Variants in FRMD6 observed in about 807,000 individuals in gnomAD.
FRMD6 encodes FERM domain containing 6.
In FRMD6, 37 loss-of-function variants were observed where a neutral mutation model predicts 73.2. That is an observed-to-expected ratio of 0.51 (90% CI 0.39 to 0.66). The LOEUF (loss-of-function observed/expected upper bound fraction) is 0.66, where lower values mean the gene tolerates loss of function less well. Ranked by LOEUF, FRMD6 falls within the 30% of genes least tolerant of loss-of-function variation. The pLI is 0.00. For missense variants in FRMD6, 714 were observed against 780.5 expected, an observed-to-expected ratio of 0.91 and a Z score of 1.02; for synonymous variants, 273 against 282.2, an observed-to-expected ratio of 0.97 and a Z score of 0.33.
At chr14:51,594,486 G>A (rs1017899971) in intron 2 of FRMD6, among the ~76,000 whole-genome samples, 2 of 151,722 alleles carry the variant, frequency 1.3e-5, no homozygotes, top group Admixed American at 6.6e-5. Flanking sequence ...GTGCCACCAC[G>A]CCCGGCTAAT....
intron 2 of FRMD6, among the ~76,000 whole-genome samples, chr14:51,641,264 A>G (rs1441827505): frequency 6.6e-6 from 1 of 152,184 alleles, no homozygotes; most frequent in African/African-American, 2.4e-5. Context: ...TACAGGTGTG[A>G]GCCACCATGC....
chr14:51,497,114 A>G (rs1883342477), intron 1 of FRMD6, among the ~76,000 whole-genome samples: 1 of 152,186 alleles, frequency 6.6e-6, no homozygotes, highest in Non-Finnish European at 1.5e-5. Context: ...TAATTCTGAC[A>G]TATGTATCTG....
At chr14:51,725,990 G>C (rs1897933425) in intron 13 of FRMD6, 120 bp downstream of exon 13, 2 of 624,154 alleles carry the variant, frequency 3.2e-6, no homozygotes, top group Admixed American at 5.6e-5. Context: ...ATCCTTCCTA[G>C]ATACGTACAT....
At chr14:51,644,724 A>T (rs1439251941) in intron 2 of FRMD6, among the ~76,000 whole-genome samples, 1 of 152,214 alleles carries the variant, frequency 6.6e-6, no homozygotes, top group African/African-American at 2.4e-5. Context: ...TGACAAAATG[A>T]TCCAATATGG....
intron 2 of FRMD6, among the ~76,000 whole-genome samples, chr14:51,594,467 T>A (rs1349437829): frequency 1.3e-5 from 2 of 152,130 alleles, no homozygotes; most frequent in African/African-American, 4.8e-5. Flanking sequence ...TAGCTGGGAT[T>A]AGAGGCATGT....
At chr14:51,496,296 C>T (rs1345794708) in intron 1 of FRMD6, among the ~76,000 whole-genome samples, 1 of 152,238 alleles carries the variant, frequency 6.6e-6, no homozygotes, top group African/African-American at 2.4e-5. Context: ...TTATCTATTG[C>T]TGTGGAACGA....
At chr14:51,721,761 G>GGGGAGGAGGGAAGGAGGGAAGGAA (rs1897624300) in intron 11 of FRMD6, among the ~76,000 whole-genome samples, 188 bp from the exon 12 acceptor site, 1 of 137,236 alleles carries the variant, frequency 7.3e-6, no homozygotes, top group Admixed American at 7.1e-5. Flanking sequence ...GAAGGAAGGA[G>GGGGAGGAGGGAAGGAGGGAAGGAA]GGAAGGAGGG....
chr14:51,625,741 C>A (rs1305875154), intron 2 of FRMD6, among the ~76,000 whole-genome samples: 3 of 152,184 alleles, frequency 2.0e-5, no homozygotes, highest in Non-Finnish European at 4.4e-5. Context: ...CTCTGCTTAT[C>A]CAAACCTTGC....
intron 1 of FRMD6, among the ~76,000 whole-genome samples, chr14:51,538,276 G>A (rs1002814617): frequency 4.6e-5 from 7 of 152,004 alleles, no homozygotes; most frequent in Non-Finnish European, 8.8e-5. Context: ...TGAGTTTTAA[G>A]AATATATATT....
At chr14:51,618,695 G>T (rs1197510558) in intron 2 of FRMD6, among the ~76,000 whole-genome samples, 1 of 152,194 alleles carries the variant, frequency 6.6e-6, no homozygotes, top group Non-Finnish European at 1.5e-5. Context: ...GGTAGATGGA[G>T]TAGCCCCTGG....
the FRMD6 span, among the ~76,000 whole-genome samples, chr14:51,400,752 C>T: frequency 1.3e-5 from 2 of 152,194 alleles, no homozygotes; most frequent in Non-Finnish European, 2.9e-5. Flanking sequence ...AGACAGCCTA[C>T]AGGCTGTGAG....
At chr14:51,440,307 A>G in the FRMD6 span, among the ~76,000 whole-genome samples, 1 of 152,350 alleles carries the variant, frequency 6.6e-6, no homozygotes, top group East Asian at 1.9e-4. Context: ...TTTTCTACAA[A>G]TGTTTAAAAT....
chr14:51,493,145 T>C (rs766460571), intron 1 of FRMD6, among the ~76,000 whole-genome samples: 3 of 152,130 alleles, frequency 2.0e-5, no homozygotes, highest in Non-Finnish European at 4.4e-5. Context: ...CCTGGGAAAA[T>C]GGTGTTTACA....
At chr14:51,397,586 T>A in the FRMD6 span, among the ~76,000 whole-genome samples, 1 of 152,196 alleles carries the variant, frequency 6.6e-6, no homozygotes, top group African/African-American at 2.4e-5. Context: ...GGGGCATAAG[T>A]GTGTTGTACT....
chr14:51,590,088 A>C (rs1889304801), intron 2 of FRMD6, among the ~76,000 whole-genome samples: 1 of 151,058 alleles, frequency 6.6e-6, no homozygotes, highest in African/African-American at 2.4e-5. Flanking sequence ...AAAAAAAATC[A>C]GGTAAGTGAG....
chr14:51,465,763 T>A, the FRMD6 span, among the ~76,000 whole-genome samples: 2 of 152,216 alleles, frequency 1.3e-5, no homozygotes, highest in African/African-American at 4.8e-5. Context: ...GCAATGAACA[T>A]GTGCAAGTCT....
At position 51,704,940 on chromosome 14, in the gene FRMD6, G is replaced by A; in HGVS notation, c.558+5G>A. On this transcript the variant is annotated splice_donor_5th_base_variant and intron_variant, in intron 6 of 13. Transcript: ENST00000344768. Reference sequence around the variant, plus strand: ...GAGGCTTACTTCCCATCTTGGGTAAGCACTGTTTTCAAATTCGAAAGAGTG... The same window carrying A: ...GAGGCTTACTTCCCATCTTGGGTAAACACTGTTTTCAAATTCGAAAGAGTG... 1 of 1,592,968 alleles carries A rather than the reference G, an allele frequency of 6.3e-7. No individual in the cohort carries two copies. Among genetic ancestry groups the A allele is most frequent in the Middle Eastern group, 1.7e-4 (1 of 5,968 alleles).
intron 1 of FRMD6, among the ~76,000 whole-genome samples, chr14:51,653,859 T>C: frequency 6.6e-6 from 1 of 152,198 alleles, no homozygotes; most frequent in East Asian, 1.9e-4. Flanking sequence ...AAAATGGACA[T>C]TTAGTAGGAT....
chr14:51,497,708 AC>A (rs1186911696), intron 1 of FRMD6, among the ~76,000 whole-genome samples: 13 of 152,222 alleles, frequency 8.5e-5, no homozygotes, highest in African/African-American at 3.1e-4. Context: ...TTTCCATACT[AC>A]ATGTTTGAAA....
Sources: allele counts gnomAD v4.1 joint callset (sites outside exome capture counted in the v4.1 genomes callset), GRCh38; gene constraint gnomAD v4.1.1; transcripts MANE v1.5; gene names NCBI Gene and HGNC (gene_info 2026-07-23, HGNC 2026-07-21).